The following MARK1 variants were observed in gnomAD, a reference collection of about 807,000 sequenced individuals.
MARK1 encodes the protein serine/threonine-protein kinase MARK1.
A neutral mutation model predicts 96.3 loss-of-function variants in MARK1; 40 were observed. The ratio of observed to expected loss-of-function variants is 0.42; its 90% CI spans 0.32 to 0.54. The LOEUF is 0.54. Among genes scored for constraint, MARK1 ranks in the 20% least tolerant of loss-of-function variants. The pLI is 0.16. For synonymous variants in MARK1, 317 were observed against 341.2 expected, an observed-to-expected ratio of 0.93 and a Z score of 0.78; for missense variants, 719 against 984.6, an observed-to-expected ratio of 0.73 and a Z score of 3.61.
chr1:220,594,143 T>G (rs1186304876), intron 3 of MARK1, among the ~76,000 whole-genome samples: 3 of 152,204 alleles, frequency 2.0e-5, no homozygotes, highest in Non-Finnish European at 2.9e-5. Context: ...TTGTTGAGGA[T>G]TGGAGCAGGC....
intron 1 of MARK1, among the ~76,000 whole-genome samples, chr1:220,575,123 G>C (rs1419984030): frequency 6.6e-6 from 1 of 152,128 alleles, no homozygotes; most frequent in Admixed American, 6.5e-5. Context: ...TGAGTCTGGT[G>C]CTCCATGGGA....
At chr1:220,590,848 G>A (rs1538135) in intron 3 of MARK1, among the ~76,000 whole-genome samples, 142,924 of 152,210 alleles carry the variant, frequency 0.94, 67,819 homozygotes, top group East Asian at 1. Flanking sequence ...CTTGTCCAAA[G>A]CTGCTGAAGG....
intron 7 of MARK1, among the ~76,000 whole-genome samples, chr1:220,616,605 GT>G: frequency 6.6e-6 from 1 of 152,012 alleles, no homozygotes; most frequent in South Asian, 2.1e-4. Flanking sequence ...TTATTTTTCT[GT>G]TTTACTTTTT....
chr1:220,561,178 G>T (rs915948542), intron 1 of MARK1, among the ~76,000 whole-genome samples: 2 of 152,140 alleles, frequency 1.3e-5, no homozygotes, highest in Middle Eastern at 3.2e-3. Context: ...GTGAATTAGA[G>T]GCTTTGAGGT....
At chr1:220,625,859 T>G in intron 9 of MARK1, 1 of 470,654 alleles carries the variant, frequency 2.1e-6, no homozygotes, top group South Asian at 1.7e-5. Context: ...ACTCACAATT[T>G]GCTGCCCAGC....
At chr1:220,566,385 C>T (rs1346612858) in intron 1 of MARK1, among the ~76,000 whole-genome samples, 1 of 152,166 alleles carries the variant, frequency 6.6e-6, no homozygotes, top group Non-Finnish European at 1.5e-5. Flanking sequence ...TACTGAGTCA[C>T]ACCATTTCAC....
intron 1 of MARK1, among the ~76,000 whole-genome samples, chr1:220,533,256 T>C (rs1349375363): frequency 6.6e-6 from 1 of 152,188 alleles, no homozygotes; most frequent in Non-Finnish European, 1.5e-5. Context: ...CAGTGGTGGA[T>C]GTATATAGTA....
Position 220,528,161 on chromosome 1 carries a change from C to G in MARK1, c.-662C>G, listed in dbSNP as rs1376799497. 1 of 150,614 alleles carries G rather than the reference C, an allele frequency of 6.6e-6. No homozygotes were observed. The highest frequency in any genetic ancestry group is 2.0e-4 in the East Asian group (1 of 5,076). 9.3% of individuals were successfully genotyped at this position (150,614 alleles called of 1,614,324 possible). ...ACCCGGCGGCGGCCGCCAAGTGCCT[C>G]TGGGCGCTGCGTGCCGCGCCCGCTG... On this transcript the variant is annotated 5_prime_UTR_variant, in exon 1 of 18. Transcript: ENST00000366917.
intron 5 of MARK1, among the ~76,000 whole-genome samples, chr1:220,601,808 T>G (rs1199284982): frequency 2.0e-5 from 3 of 152,160 alleles, no homozygotes; most frequent in Non-Finnish European, 4.4e-5. Flanking sequence ...AGTAAGAGTA[T>G]GTAAGGCCTT....
chr1:220,611,550 C>T (rs1427409669), intron 6 of MARK1, among the ~76,000 whole-genome samples: 1 of 152,102 alleles, frequency 6.6e-6, no homozygotes, highest in South Asian at 2.1e-4. Context: ...TCAGCTCGCC[C>T]TCCGTGGGCT....
At chr1:220,558,133 AAATAATAATAATAATAATAATAAT>A (rs56212262) in intron 1 of MARK1, among the ~76,000 whole-genome samples, 1 of 137,164 alleles carries the variant, frequency 7.3e-6, no homozygotes, top group East Asian at 2.1e-4. Context: ...ACCCTGTCTC[AAATAATAATAATAATAATAATAAT>A]AATAATAATA....
chr1:220,572,266 A>G (rs184670775), intron 1 of MARK1, among the ~76,000 whole-genome samples: 35 of 151,116 alleles, frequency 2.3e-4, no homozygotes, highest in Admixed American at 1.3e-3. Context: ...TTGGAGACAG[A>G]GTTTCAGTCT....
chr1:220,599,903 C>CAT (rs1665627173), intron 5 of MARK1, 40 bp downstream of exon 5: 1 of 1,395,854 alleles, frequency 7.2e-7, no homozygotes. Context: ...TTTGCTGAGA[C>CAT]ATACAGAAAT....
intron 1 of MARK1, among the ~76,000 whole-genome samples, chr1:220,534,092 G>A (rs1361583119): frequency 1.3e-5 from 2 of 151,844 alleles, no homozygotes; most frequent in Admixed American, 1.3e-4. Flanking sequence ...ATTTTTGGTG[G>A]GGAGGGAGTA....
chr1:220,529,123 CA>C (rs1660133285), intron 1 of MARK1, among the ~76,000 whole-genome samples: 1 of 152,192 alleles, frequency 6.6e-6, no homozygotes, highest in Non-Finnish European at 1.5e-5. Flanking sequence ...GGTGGTCCTC[CA>C]GGGGCGGATG....
chr1:220,576,421 CAAAA>C (rs10710315), intron 1 of MARK1, among the ~76,000 whole-genome samples: 1 of 138,584 alleles, frequency 7.2e-6, no homozygotes. Flanking sequence ...TTTTATTGGC[CAAAA>C]AAAAAAAAAA....
At chr1:220,621,912 A>G (rs1201610645) in intron 9 of MARK1, among the ~76,000 whole-genome samples, 2 of 152,212 alleles carry the variant, frequency 1.3e-5, no homozygotes, top group Admixed American at 6.5e-5. Flanking sequence ...CTCATAAGTT[A>G]AATGCCTTAT....
chr1:220,628,276 G>A (rs979286432), intron 9 of MARK1, among the ~76,000 whole-genome samples: 2 of 152,170 alleles, frequency 1.3e-5, no homozygotes, highest in South Asian at 4.1e-4. Context: ...ACTAAAAAAG[G>A]CATCCTTCAA....
chr1:220,564,091 A>G (rs1662877512), intron 1 of MARK1, among the ~76,000 whole-genome samples: 1 of 152,214 alleles, frequency 6.6e-6, no homozygotes, highest in Non-Finnish European at 1.5e-5. Flanking sequence ...AGTGAGAGAC[A>G]AAGTAGAAAT....
Sources: allele counts gnomAD v4.1 joint callset (sites outside exome capture counted in the v4.1 genomes callset), GRCh38; gene constraint gnomAD v4.1.1; transcripts MANE v1.5; gene names NCBI Gene and HGNC (gene_info 2026-07-23, HGNC 2026-07-21).